The following DDX24 variants were observed in gnomAD, a reference collection of about 807,000 sequenced individuals.
DDX24 encodes the protein DEAD-box helicase 24.
Under a neutral mutation model 68.9 loss-of-function variants are expected in DDX24, and 24 were observed. The ratio of observed to expected loss-of-function variants is 0.35; its 90% CI spans 0.25 to 0.49. The LOEUF is 0.49. Among genes scored for constraint, DDX24 ranks in the 20% least tolerant of loss-of-function variants. The pLI, the probability that DDX24 is intolerant of heterozygous loss-of-function variation, is 0.99. For missense variants in DDX24, 989 were observed against 1,039.0 expected (o/e 0.95, Z 0.66); for synonymous variants, 395 against 385.2 (o/e 1.03, Z -0.30).
intron 2 of DDX24, among the ~76,000 whole-genome samples, chr14:94,065,827 A>C (rs1053376695): frequency 2.5e-4 from 38 of 152,310 alleles, no homozygotes; most frequent in Admixed American, 7.8e-4. Flanking sequence ...GGGGTAGAAG[A>C]AGCAGCAGAA....
At chr14:94,068,954 C>T (rs1567060831) in intron 2 of DDX24, among the ~76,000 whole-genome samples, 1 of 152,030 alleles carries the variant, frequency 6.6e-6, no homozygotes, top group Non-Finnish European at 1.5e-5. Context: ...TCTCAAGGAG[C>T]TAGAGAAACA....
At chr14:94,063,271 C>T (rs1885633657) in intron 2 of DDX24, among the ~76,000 whole-genome samples, 1 of 152,130 alleles carries the variant, frequency 6.6e-6, no homozygotes, top group Non-Finnish European at 1.5e-5. Context: ...AATAACCACA[C>T]ACACAAAAAT....
rs1435491861 is a variant in DDX24, at chr14:94,060,404, T to C, written c.1607A>G (p.Asp536Gly). Residue 536 changes from aspartate (D) to glycine (G), a missense_variant, in exon 5 of 9, where the codon GAC (aspartate) becomes GGC (glycine). By Grantham distance (94) the Asp-to-Gly change is moderately conservative. This residue lies in a region of DDX24 where 691 missense variants were observed against 760.0 expected (regional missense o/e 0.91). Coordinates refer to ENST00000621632, the MANE Select transcript of DDX24 (RefSeq NM_020414.4). ...TKKMDKTAKL[D>G]LLMQKIGMRG... ...CATGCCAATTTTCTGCATAAGGAGGTCAAGTTTGGCTGTTTTATCCATTTT... is the reference window on the plus strand; with the variant it reads ...CATGCCAATTTTCTGCATAAGGAGGCCAAGTTTGGCTGTTTTATCCATTTT... 1 of 1,614,080 alleles carries C rather than the reference T, an allele frequency of 6.2e-7. No homozygotes were observed. Among genetic ancestry groups the C allele is most frequent in the Non-Finnish European group, 8.5e-7 (1 of 1,180,016 alleles).
rs1567058796 is a variant in DDX24, at chr14:94,060,610, G to A, written c.1401C>T (p.Cys467=). 6.2e-7 allele frequency: 1 copy of A among 1,612,442 alleles called. No homozygotes were observed. The highest frequency in any genetic ancestry group is 2.2e-5 in the East Asian group (1 of 44,856). Residue 467 remains cysteine, a synonymous_variant, in exon 5 of 9, where the codon TGC becomes TGT. Coordinates refer to ENST00000621632, the MANE Select transcript of DDX24 (RefSeq NM_020414.4). ...TCCGGTCAGCCTCATCCACTACCAG[G>A]CACCTGCAGATCCAGAGAGACCCAT... ...YHLRNLRQLR[C]LVVDEADRMV...
chr14:94,079,756 G>T lies in DDX24; in HGVS notation c.-5-9C>A. The stretch of plus-strand genomic sequence containing the variant: ...CTTCAACTTCATGGTTGCTGAAAAG[G>T]AGATACATGTTCTATTAGGTTGGTG... On this transcript the variant is annotated splice_polypyrimidine_tract_variant and intron_variant, in intron 1 of 8. Transcript: ENST00000621632. 6.2e-7 allele frequency: 1 copy of T among 1,609,816 alleles called. No individual in the cohort carries two copies.
intron 6 of DDX24, 67 bp from the exon 7 acceptor site, chr14:94,055,251 C>G: frequency 6.5e-7 from 1 of 1,535,654 alleles, no homozygotes; most frequent in Non-Finnish European, 8.8e-7. Flanking sequence ...TCCTCAGGGC[C>G]ACATCCCCAA....
At chr14:94,054,936 T>A in intron 7 of DDX24, 60 bp downstream of exon 7, 1 of 1,555,426 alleles carries the variant, frequency 6.4e-7, no homozygotes, top group African/African-American at 1.4e-5. Flanking sequence ...CACAGCAAGG[T>A]GCTCTGCAAG....
intron 2 of DDX24, among the ~76,000 whole-genome samples, chr14:94,075,947 C>G (rs555167138): frequency 5.9e-5 from 9 of 152,062 alleles, no homozygotes; most frequent in African/African-American, 1.2e-4. Flanking sequence ...TTTTAAAAGT[C>G]TAAAATAAAA....
Position 94,049,525 on chromosome 14 carries a change from C to G in DDX24, c.*1666G>C, listed in dbSNP as rs1408392646. 1 of 152,200 alleles carries G rather than the reference C, an allele frequency of 6.6e-6. No homozygotes were observed. The highest frequency in any genetic ancestry group is 1.9e-4 in the East Asian group (1 of 5,188). 9.4% of individuals were successfully genotyped at this position (152,200 alleles called of 1,614,324 possible). A position where few individuals can be genotyped will look rare whatever the true frequency, so the allele number is the denominator to read the frequency against. On this transcript the variant is annotated 3_prime_UTR_variant, in exon 9 of 9. Coordinates refer to ENST00000621632, the MANE Select transcript of DDX24 (RefSeq NM_020414.4). Reference sequence around the variant, plus strand: ...AAGGAAGATACTAATCCCACCTCTGCTACTTGGCTGCTGTGTGGCCCTGGG... The same window carrying G: ...AAGGAAGATACTAATCCCACCTCTGGTACTTGGCTGCTGTGTGGCCCTGGG...
chr14:94,073,469 T>C (rs2141434677), intron 2 of DDX24, among the ~76,000 whole-genome samples: 1 of 152,206 alleles, frequency 6.6e-6, no homozygotes, highest in East Asian at 1.9e-4. Flanking sequence ...TCACATTAAA[T>C]ATAAATAAGG....
intron 2 of DDX24, among the ~76,000 whole-genome samples, chr14:94,065,565 GT>G (rs1157413136): frequency 7.9e-5 from 12 of 152,206 alleles, no homozygotes; most frequent in Admixed American, 5.9e-4. Context: ...TGCATTGTGA[GT>G]TTTAGCTCCA....
rs752979202 is a variant in DDX24, at chr14:94,051,368, A to C, written c.2403T>G (p.Phe801Leu). The C allele has an allele frequency of 1.2e-6, 2 of 1,613,084 alleles. No individual in the cohort carries two copies. Among genetic ancestry groups the C allele is most frequent in the African/African-American group, 1.3e-5 (1 of 74,830 alleles). ...ELRHLLSQPL[F>L]TESQKTKYPT... ...GATACTTGGTTTTCTGGCTCTCCGT[A>C]AACAGTGGCTGGGACAGCAGGTGGC... Residue 801 changes from phenylalanine to leucine, a missense_variant, in exon 9 of 9, where the codon TTT becomes TTG. This residue lies in a region of DDX24 where 691 missense variants were observed against 760.0 expected (regional missense o/e 0.91). Transcript: ENST00000621632.
At chr14:94,057,620 T>C (rs1595373938) in intron 6 of DDX24, 1 of 539,428 alleles carries the variant, frequency 1.9e-6, no homozygotes, top group East Asian at 3.2e-5. Context: ...GAAGGGCTAC[T>C]TGACATGAGA....
Position 94,055,171 on chromosome 14 carries a change from G to A in DDX24, c.2003C>T (p.Ser668Leu), listed in dbSNP as rs747408850. The A allele has an allele frequency of 1.3e-5, 21 of 1,613,166 alleles. No individual in the cohort carries two copies. The highest frequency in any genetic ancestry group is 8.8e-5 in the South Asian group (8 of 91,050). Residue 668 changes from serine (S) to leucine (L), a missense_variant, in exon 7 of 9, where the codon TCG becomes TTG. Physicochemically the swap from Ser to Leu is moderately radical, Grantham distance 145. Transcript: ENST00000621632. Reference sequence around the variant, plus strand: ...ACCACTTCGGTGGACATAAATCTCCGAGGTACGTGGGACCTGCCACAGGAA... The same window carrying A: ...ACCACTTCGGTGGACATAAATCTCCAAGGTACGTGGGACCTGCCACAGGAA... ...HVIHYQVPRTSEIYVHRSGRT... is the reference protein window; with the variant it reads ...HVIHYQVPRTLEIYVHRSGRT...
rs757763942 is a variant in DDX24 at position 94,055,029 on chromosome 14, G to A, written c.2145C>T (p.Phe715=). 2.5e-6 allele frequency: 4 copies of A among 1,614,172 alleles called. No individual in the cohort carries two copies. The highest frequency in any genetic ancestry group is 1.7e-4 in the Middle Eastern group (1 of 6,060). The change falls in exon 7 of 9, where the codon TTC becomes TTT. Residue 715 remains phenylalanine (F), a synonymous_variant. Transcript: ENST00000621632. The stretch of plus-strand genomic sequence containing the variant: ...CATCCATGTATTTTGTCTGCACGGG[G>A]AACAGTGGGATATCCTCATCTTTCT... ...TLKKDEDIPL[F]PVQTKYMDVV... is the part of the protein sequence containing the mutation.
In DDX24 at chr14:94,051,025, A is replaced by C; in HGVS notation, c.*166T>G. 1 of 722,130 alleles carries C rather than the reference A, an allele frequency of 1.4e-6. No individual in the cohort carries two copies. 44.7% of individuals were successfully genotyped at this position (722,130 alleles called of 1,614,324 possible). The stretch of plus-strand genomic sequence containing the variant: ...GCTGCTGCATTGAATTCTTACTCCA[A>C]AACAATGCAAATCTGCATGAGGTCT... On this transcript the variant is annotated 3_prime_UTR_variant, in exon 9 of 9. Coordinates refer to ENST00000621632, the MANE Select transcript of DDX24 (RefSeq NM_020414.4).
At chr14:94,074,893 A>C (rs1885905603) in intron 2 of DDX24, among the ~76,000 whole-genome samples, 1 of 152,240 alleles carries the variant, frequency 6.6e-6, no homozygotes, top group Non-Finnish European at 1.5e-5. Flanking sequence ...GAAATAAAAA[A>C]TTTTAAATTA....
Position 94,048,849 on chromosome 14 carries a change from C to T in DDX24, c.*2342G>A, listed in dbSNP as rs913888664. 1.3e-5 allele frequency: 2 copies of T among 152,238 alleles called. No individual in the cohort carries two copies. Among genetic ancestry groups the T allele is most frequent in the Non-Finnish European group, 2.9e-5 (2 of 68,070 alleles). The allele number at this position is 152,238 out of a possible 1,614,324, so 9.4% of individuals were successfully genotyped here. A position where few individuals can be genotyped will look rare whatever the true frequency, so the allele number is the denominator to read the frequency against. On this transcript the variant is annotated 3_prime_UTR_variant, in exon 9 of 9. Coordinates refer to ENST00000621632, the MANE Select transcript of DDX24 (RefSeq NM_020414.4). ...TGAGTGGCTTCCAGGGGCCCCAGGCCCTGCTGGATGTGGGCCAAGCCCTAC... is the reference window on the plus strand; with the variant it reads ...TGAGTGGCTTCCAGGGGCCCCAGGCTCTGCTGGATGTGGGCCAAGCCCTAC...
chr14:94,080,821 T>C lies in DDX24; in HGVS notation c.-6+298A>G, dbSNP rs181088631. ...GCGCCAGGCAGAGTAGAAGGGCCTCTGTCTCCTCGTGACGCCGGTCCCGCG... is the reference window on the plus strand; with the variant it reads ...GCGCCAGGCAGAGTAGAAGGGCCTCCGTCTCCTCGTGACGCCGGTCCCGCG... On this transcript the variant is annotated intron_variant, in intron 1 of 8. Coordinates refer to ENST00000621632, the MANE Select transcript of DDX24 (RefSeq NM_020414.4). Among the ~76,000 whole-genome samples the C allele has an allele frequency of 5.3e-3, 812 of 152,252 alleles. 6 individuals are homozygous for C. The highest frequency in any genetic ancestry group is 0.013 in the African/African-American group (537 of 41,518).
Sources: allele counts gnomAD v4.1 joint callset (sites outside exome capture counted in the v4.1 genomes callset), GRCh38; gene constraint gnomAD v4.1.1; regional missense constraint gnomAD v4.1.1; transcripts MANE v1.5; gene names NCBI Gene and HGNC (gene_info 2026-07-23, HGNC 2026-07-21).